TMEM62: variants seen among roughly 807,000 people sequenced by gnomAD.
TMEM62 encodes transmembrane protein 62.
TMEM62 carries 41 observed loss-of-function variants against 70.4 expected under a neutral mutation model. The ratio of observed to expected loss-of-function variants is 0.58; its 90% CI spans 0.45 to 0.76. The LOEUF is 0.76. Among genes scored for constraint, TMEM62 ranks in the 30% least tolerant of loss-of-function variants. The pLI, the probability that TMEM62 is intolerant of heterozygous loss-of-function variation, is 0.00. For missense variants in TMEM62, 688 were observed against 788.5 expected, an observed-to-expected ratio of 0.87 and a Z score of 1.53; for synonymous variants, 268 against 291.0, an observed-to-expected ratio of 0.92 and a Z score of 0.80.
intron 7 of TMEM62, among the ~76,000 whole-genome samples, chr15:43,151,057 G>C (rs2037306682): frequency 6.6e-6 from 1 of 152,216 alleles, no homozygotes; most frequent in Non-Finnish European, 1.5e-5. Context: ...AGAAATAAAT[G>C]TTTAATGCTA....
Position 43,167,677 on chromosome 15 carries a change from C to T in TMEM62, c.1297-1916C>T, listed in dbSNP as rs1160667519. Among the ~76,000 whole-genome samples, 5 of 147,064 alleles carry T rather than the reference C, an allele frequency of 3.4e-5. No individual in the cohort carries two copies. The East Asian group carries it at 1.1e-3, about 31-fold the overall frequency. ...GCAGAGGGGCTCCTCACATCCCAGACGATGGGCGGCCAGGCAGAGACGCTC... is the reference window on the plus strand; with the variant it reads ...GCAGAGGGGCTCCTCACATCCCAGATGATGGGCGGCCAGGCAGAGACGCTC... On this transcript the variant is annotated intron_variant, in intron 10 of 13. Coordinates refer to ENST00000260403, the MANE Select transcript of TMEM62 (RefSeq NM_024956.4).
chr15:43,175,960 C>T (rs1007432299), intron 11 of TMEM62, among the ~76,000 whole-genome samples: 2 of 152,172 alleles, frequency 1.3e-5, no homozygotes, highest in African/African-American at 4.8e-5. Context: ...GGCACCTGGA[C>T]AATTGGGTCA....
At chr15:43,167,694 G>A (rs2039681228) in intron 10 of TMEM62, among the ~76,000 whole-genome samples, 1 of 152,168 alleles carries the variant, frequency 6.6e-6, no homozygotes, top group Admixed American at 6.5e-5. Context: ...CGGCCAGGCA[G>A]AGACGCTCCT....
chr15:43,176,347 G>A (rs567386336), intron 11 of TMEM62, among the ~76,000 whole-genome samples: 3 of 152,320 alleles, frequency 2.0e-5, no homozygotes, highest in South Asian at 2.1e-4. Flanking sequence ...CTCCCAGCAC[G>A]CAGCTGGAGA....
chr15:43,147,739 A>C (rs1397902200), intron 5 of TMEM62, among the ~76,000 whole-genome samples: 2 of 152,192 alleles, frequency 1.3e-5, no homozygotes, highest in Non-Finnish European at 2.9e-5. Flanking sequence ...GGGTTGATGA[A>C]CTTATATTAA....
chr15:43,165,747 A>T lies in TMEM62; in HGVS notation c.1297-3846A>T, dbSNP rs896159903. ...GACTCCGTCTCAAAAAAAAAATAAAATAAATTAAATAAAAAATAAATAAAT... is the reference window on the plus strand; with the variant it reads ...GACTCCGTCTCAAAAAAAAAATAAATTAAATTAAATAAAAAATAAATAAAT... On this transcript the variant is annotated intron_variant, in intron 10 of 13. Coordinates refer to ENST00000260403, the MANE Select transcript of TMEM62 (RefSeq NM_024956.4). Among the ~76,000 whole-genome samples, 27 of 151,882 alleles carry T rather than the reference A, an allele frequency of 1.8e-4. No individual in the cohort carries two copies. The East Asian group carries it at 3.5e-3, about 20-fold the overall frequency.
intron 4 of TMEM62, among the ~76,000 whole-genome samples, chr15:43,141,637 AAC>A (rs1159978301): frequency 6.6e-6 from 1 of 152,258 alleles, no homozygotes; most frequent in Non-Finnish European, 1.5e-5. Context: ...CTATTTAAGA[AAC>A]ACATTTCATA....
chr15:43,177,632 A>G (rs2040891666), intron 11 of TMEM62, among the ~76,000 whole-genome samples: 1 of 152,166 alleles, frequency 6.6e-6, no homozygotes, highest in Admixed American at 6.5e-5. Context: ...CTGGATTAAG[A>G]AAATGTGGCA....
intron 4 of TMEM62, 101 bp downstream of exon 4, chr15:43,138,720 A>G: frequency 9.9e-7 from 1 of 1,013,846 alleles, no homozygotes; most frequent in Non-Finnish European, 1.5e-6. Flanking sequence ...AAAACATTTT[A>G]AGAGGCAGGG....
intron 10 of TMEM62, among the ~76,000 whole-genome samples, 159 bp from the exon 11 acceptor site, chr15:43,169,434 T>C (rs2039955489): frequency 6.6e-6 from 1 of 152,234 alleles, no homozygotes. Context: ...ACAAGGATTT[T>C]AGGAGCTCTG....
At chr15:43,165,459 T>A (rs979378991) in intron 10 of TMEM62, among the ~76,000 whole-genome samples, 1 of 152,144 alleles carries the variant, frequency 6.6e-6, no homozygotes, top group East Asian at 1.9e-4. Context: ...GGAGGCTGGG[T>A]GCGGTGGCTC....
chr15:43,156,839 G>A (rs927697268), intron 9 of TMEM62, among the ~76,000 whole-genome samples: 8 of 151,896 alleles, frequency 5.3e-5, no homozygotes, highest in Admixed American at 1.3e-4. Flanking sequence ...TGAAGTCATC[G>A]CCTACAAACA....
intron 7 of TMEM62, among the ~76,000 whole-genome samples, chr15:43,151,046 T>G (rs568365774): frequency 6.6e-6 from 1 of 152,354 alleles, no homozygotes; most frequent in African/African-American, 2.4e-5. Flanking sequence ...TTTGAAATTA[T>G]AGAAATAAAT....
chr15:43,154,189 A>AT (rs1567201571), intron 8 of TMEM62, among the ~76,000 whole-genome samples: 2 of 152,192 alleles, frequency 1.3e-5, no homozygotes, highest in African/African-American at 4.8e-5. Flanking sequence ...TGGGAGCTGG[A>AT]TATCAGGTTT....
chr15:43,156,824 A>G (rs2038102414), intron 9 of TMEM62, among the ~76,000 whole-genome samples: 1 of 152,202 alleles, frequency 6.6e-6, no homozygotes, highest in Admixed American at 6.5e-5. Context: ...ATATGTATAC[A>G]TCCTTGAAGT....
At chr15:43,160,396 T>G (rs2141832960) in intron 9 of TMEM62, 1 of 234,700 alleles carries the variant, frequency 4.3e-6, no homozygotes, top group East Asian at 8.8e-5. Context: ...AAAATAAATT[T>G]AAATATTAGC....
At chr15:43,166,737 A>G (rs2039464776) in intron 10 of TMEM62, among the ~76,000 whole-genome samples, 1 of 152,056 alleles carries the variant, frequency 6.6e-6, no homozygotes, top group South Asian at 2.1e-4. Context: ...GGTACTTGAG[A>G]TTAGGGAGTG....
rs144954131 is a variant in TMEM62 at position 43,183,648 on chromosome 15, T to G, written c.1606-612T>G. ...ACGATCTGTAATTATATTTTTTGGT[T>G]TTTTTTTTTGTCTGTCTTCTCCCTG... On this transcript the variant is annotated intron_variant, in intron 13 of 13. Coordinates refer to ENST00000260403, the MANE Select transcript of TMEM62 (RefSeq NM_024956.4). Among the ~76,000 whole-genome samples, 11 of 150,500 alleles carry G rather than the reference T, an allele frequency of 7.3e-5. 1 individual carries two copies. In the South Asian group the frequency reaches 8.4e-4, roughly 11 times the overall value.
At chr15:43,176,580 G>A (rs1397928370) in intron 11 of TMEM62, among the ~76,000 whole-genome samples, 1 of 152,154 alleles carries the variant, frequency 6.6e-6, no homozygotes, top group Non-Finnish European at 1.5e-5. Flanking sequence ...AACAGGGTCT[G>A]GAGTGGACCT....
Sources: gnomAD v4.1 joint callset for allele counts (sites outside exome capture counted in the v4.1 genomes callset) on GRCh38, gnomAD v4.1.1 for gene constraint, MANE v1.5 for transcripts, NCBI Gene and HGNC (gene_info 2026-07-23, HGNC 2026-07-21) for gene names.